Variants in CELF2 observed in about 807,000 individuals in gnomAD.
The protein encoded by CELF2 is CUGBP Elav-like family member 2.
A neutral mutation model predicts 62.6 loss-of-function variants in CELF2; 8 were observed. The observed-to-expected ratio is 0.13, with a 90% CI of 0.07 to 0.23. The LOEUF (loss-of-function observed/expected upper bound fraction) is 0.23, where lower values mean the gene tolerates loss of function less well. Among genes scored for constraint, CELF2 ranks in the 10% least tolerant of loss-of-function variants. The pLI is 1.00. For missense variants in CELF2, 333 were observed against 671.0 expected (o/e 0.50, Z 5.56); for synonymous variants, 258 against 250.0 (o/e 1.03, Z -0.30).
At chr10:10,811,098 C>T (rs537937095) in intron 1 of CELF2, among the ~76,000 whole-genome samples, 2 of 152,210 alleles carry the variant, frequency 1.3e-5, no homozygotes, top group Non-Finnish European at 1.5e-5. Flanking sequence ...GTCAGACTCA[C>T]GACCAAAGAC....
At chr10:10,633,707 C>CTGTT in the CELF2 span, among the ~76,000 whole-genome samples, 67,939 of 151,374 alleles carry the variant, frequency 0.45, 15,684 homozygotes, top group South Asian at 0.71. Flanking sequence ...TTGAGTATGT[C>CTGTT]TGTTATAGTA....
At chr10:10,477,475 C>T in the CELF2 span, among the ~76,000 whole-genome samples, 3 of 152,060 alleles carry the variant, frequency 2.0e-5, no homozygotes, top group Admixed American at 2.0e-4. Flanking sequence ...AAAATAGAAA[C>T]ATCTGGTGGG....
rs60798946 is a variant in CELF2 at position 11,280,989 on chromosome 10, C to CGT, written c.841+5900_841+5901dup. Among the ~76,000 whole-genome samples the CGT allele has an allele frequency of 0.067, 9,687 of 144,386 alleles. 359 individuals carry two copies. Among genetic ancestry groups the CGT allele is most frequent in the African/African-American group, 0.096 (3,748 of 38,918 alleles). 94.7% of individuals were successfully genotyped at this position (144,386 alleles called of 152,430 possible). On this transcript the variant is annotated intron_variant, in intron 8 of 12. Transcript: ENST00000633077. The surrounding 1 kb of genome is among the most constrained non-coding windows in gnomAD (Gnocchi z 7.6). ...TGGCGTGCGTGTGCATGCCTGTGTGCGTGTGTGTGTGTGTGTGTGTGTGTG... is the reference window on the plus strand; with the variant it reads ...TGGCGTGCGTGTGCATGCCTGTGTGCGTGTGTGTGTGTGTGTGTGTGTGTGTG...
At chr10:10,686,325 G>A in the CELF2 span, among the ~76,000 whole-genome samples, 1 of 35,802 alleles carries the variant, frequency 2.8e-5, no homozygotes, top group Non-Finnish European at 5.0e-5. Flanking sequence ...GGGGGGGTGG[G>A]GTGGGTTTTT....
chr10:11,194,128 T>C (rs1053196920), intron 2 of CELF2, among the ~76,000 whole-genome samples: 1 of 152,140 alleles, frequency 6.6e-6, no homozygotes, highest in African/African-American at 2.4e-5. Context: ...TGTAGTGGCA[T>C]GATCTCAGCT....
chr10:10,812,770 TTGTAGTGTTTG>T (rs1442547097), intron 1 of CELF2, among the ~76,000 whole-genome samples: 2 of 152,196 alleles, frequency 1.3e-5, no homozygotes, highest in Non-Finnish European at 2.9e-5. Context: ...ATTTTCTACT[TTGTAGTGTTTG>T]TGTAGTAATT....
intron 3 of CELF2, among the ~76,000 whole-genome samples, chr10:11,219,617 A>G (rs2064242524): frequency 6.6e-6 from 1 of 152,250 alleles, no homozygotes; most frequent in Admixed American, 6.5e-5. Flanking sequence ...TATTCCAAAT[A>G]TGGTAAATGA....
rs2095629011 is a variant in CELF2, at chr10:11,324,645, G to C, written c.1295-1191G>C. Among the ~76,000 whole-genome samples the C allele has an allele frequency of 6.6e-6, 1 of 152,254 alleles. No individual in the cohort carries two copies. ...CCTCAAGAAGTTTTCTTTGTGAAAA[G>C]TCCCAATCATTAGGATACTTTCTTG... On this transcript the variant is annotated intron_variant, in intron 11 of 12. Coordinates refer to ENST00000633077, the MANE Select transcript of CELF2 (RefSeq NM_001326342.2). The surrounding 1 kb of genome is among the most constrained non-coding windows in gnomAD (Gnocchi z 4.7).
chr10:10,587,317 C>T, the CELF2 span, among the ~76,000 whole-genome samples: 23 of 152,106 alleles, frequency 1.5e-4, no homozygotes, highest in African/African-American at 3.4e-4. Flanking sequence ...GATAACCAAC[C>T]TGCTTCACTC....
At chr10:10,810,558 G>A (rs117030678) in intron 1 of CELF2, among the ~76,000 whole-genome samples, 3,888 of 152,232 alleles carry the variant, frequency 0.026, 71 homozygotes, top group Middle Eastern at 0.058. Flanking sequence ...AATGGGAAGG[G>A]AAGGGTCCAG....
chr10:11,288,644 G>GC, intron 9 of CELF2, 92 bp downstream of exon 9: 2 of 1,446,132 alleles, frequency 1.4e-6, no homozygotes, highest in Admixed American at 2.0e-5. Context: ...GAGGCTAGAC[G>GC]TGTCCAGGAT....
In CELF2 at chr10:10,893,824, G is replaced by A. The variant is rs185684596; in HGVS notation, c.54-26140G>A. 1.3e-3 allele frequency among the ~76,000 whole-genome samples: 201 copies of A among 152,202 alleles called. 1 individual carries two copies. Among genetic ancestry groups the A allele is most frequent in the African/African-American group, 4.6e-3 (193 of 41,530 alleles). ...CACTCACTATCTCAAGAACAGCACC[G>A]AGGGGATGGCGCTAAACTGTTCATG... On this transcript the variant is annotated intron_variant, in intron 1 of 13. Transcript: ENST00000636488.
Position 11,148,101 on chromosome 10 carries a change from C to A in CELF2, c.75-17385C>A, listed in dbSNP as rs547440943. On this transcript the variant is annotated intron_variant, in intron 1 of 12. Transcript: ENST00000633077. ...AGTGACCCCAGTCCGGCAAGAAGAA[C>A]GTGGCTTGATAAGGAAGGGGCTCCT... Among the ~76,000 whole-genome samples, 4 of 152,360 alleles carry A rather than the reference C, an allele frequency of 2.6e-5. No homozygotes were observed. The East Asian group carries it at 5.8e-4, about 22-fold the overall frequency.
chr10:10,966,769 C>T (rs923018363), intron 2 of CELF2: 1 of 152,176 alleles, frequency 6.6e-6, no homozygotes, highest in Non-Finnish European at 1.5e-5. Context: ...CAGTGAGTTC[C>T]CAGCAGTCCT....
At chr10:11,122,861 C>T (rs2058021167) in intron 1 of CELF2, among the ~76,000 whole-genome samples, 1 of 152,118 alleles carries the variant, frequency 6.6e-6, no homozygotes. Flanking sequence ...AACAGCAGAA[C>T]TGTGGGAGTA....
chr10:10,844,975 A>G (rs2058919607), intron 1 of CELF2, among the ~76,000 whole-genome samples: 2 of 152,124 alleles, frequency 1.3e-5, no homozygotes, highest in Admixed American at 1.3e-4. Context: ...TTTTCATTCC[A>G]TTTTTGTAGA....
At chr10:11,253,109 C>T (rs184258216) in intron 4 of CELF2, among the ~76,000 whole-genome samples, 3 of 152,162 alleles carry the variant, frequency 2.0e-5, no homozygotes, top group East Asian at 3.9e-4. Flanking sequence ...GAAGCTGCTT[C>T]GGTTCTGGGT....
chr10:11,298,673 G>C (rs946503090), intron 9 of CELF2, among the ~76,000 whole-genome samples: 2 of 152,100 alleles, frequency 1.3e-5, no homozygotes, highest in African/African-American at 4.8e-5. Context: ...CACTTTTCTT[G>C]TGGAAACATT....
At chr10:10,910,717 A>AG (rs1445346157) in intron 1 of CELF2, among the ~76,000 whole-genome samples, 1 of 146,604 alleles carries the variant, frequency 6.8e-6, no homozygotes, top group Non-Finnish European at 1.5e-5. Context: ...AAAAAAAAAA[A>AG]AAGAAAAGAA....
Sources: gnomAD v4.1 joint callset for allele counts (sites outside exome capture counted in the v4.1 genomes callset) on GRCh38, gnomAD v4.1.1 for gene constraint, Gnocchi (gnomAD v3.1) non-coding constraint, MANE v1.5 for transcripts, NCBI Gene and HGNC (gene_info 2026-07-23, HGNC 2026-07-21) for gene names.